CAMTA1: variants seen among roughly 807,000 people sequenced by gnomAD.
CAMTA1 encodes the protein calmodulin binding transcription activator 1.
CAMTA1 carries 27 observed loss-of-function variants against 170.9 expected under a neutral mutation model. The observed-to-expected ratio is 0.16, with a 90% CI of 0.12 to 0.22. The LOEUF (loss-of-function observed/expected upper bound fraction) is 0.22. CAMTA1 is among the 10% of genes least tolerant of loss of function. CAMTA1 has a pLI of 1.00. For missense variants in CAMTA1, 1,619 were observed against 2,217.2 expected, an observed-to-expected ratio of 0.73 and a Z score of 5.42; for synonymous variants, 833 against 891.5, an observed-to-expected ratio of 0.93 and a Z score of 1.17.
intron 4 of CAMTA1, among the ~76,000 whole-genome samples, chr1:7,215,168 A>G (rs74224543): frequency 7.9e-6 from 1 of 125,942 alleles, no homozygotes; most frequent in Non-Finnish European, 1.8e-5. Context: ...CCTATTTTTT[A>G]AAAAAAAGAC....
Position 7,732,044 on chromosome 1 carries a change from C to A in CAMTA1, c.2915-404C>A, listed in dbSNP as rs2096737795. On this transcript the variant is annotated intron_variant, in intron 11 of 22. Transcript: ENST00000303635. This position sits in a 1 kb window ranked among gnomAD's most constrained non-coding sequence, Gnocchi z 4.1. ...TTTTTTTTTTTGTCTAACATACCTT[C>A]CTTTCTTGCTGTGATTGCTTTCTTC... Among the ~76,000 whole-genome samples, 1 of 143,936 alleles carries A rather than the reference C, an allele frequency of 6.9e-6. No individual in the cohort carries two copies. The highest frequency in any genetic ancestry group is 6.9e-5 in the Admixed American group (1 of 14,396). The allele number at this position is 143,936 out of a possible 152,430, so 94.4% of individuals were successfully genotyped here. A position where few individuals can be genotyped will look rare whatever the true frequency, so the allele number is the denominator to read the frequency against.
At chr1:7,476,241 G>A (rs2093418516) in intron 6 of CAMTA1, among the ~76,000 whole-genome samples, 1 of 152,186 alleles carries the variant, frequency 6.6e-6, no homozygotes, top group Admixed American at 6.5e-5. Flanking sequence ...GACAGGAGTG[G>A]CCAGGCCCTG....
At chr1:6,889,762 C>A (rs748068344) in intron 3 of CAMTA1, among the ~76,000 whole-genome samples, 3 of 152,108 alleles carry the variant, frequency 2.0e-5, no homozygotes, top group Non-Finnish European at 2.9e-5. Flanking sequence ...ATCCATACGA[C>A]AACCCCTGTG....
intron 6 of CAMTA1, among the ~76,000 whole-genome samples, chr1:7,572,135 T>C (rs984625660): frequency 6.6e-6 from 1 of 152,280 alleles, no homozygotes; most frequent in Non-Finnish European, 1.5e-5. Flanking sequence ...ATGTATGTCT[T>C]CTTTTGAAAA....
At chr1:6,840,890 A>G (rs898313026) in intron 3 of CAMTA1, among the ~76,000 whole-genome samples, 11 of 152,168 alleles carry the variant, frequency 7.2e-5, no homozygotes, top group African/African-American at 2.7e-4. Flanking sequence ...TATGTTTGCT[A>G]CTGTAACCAG....
rs1230055485 is a variant in CAMTA1, at chr1:6,934,197, ACT to A, written c.234+108990_234+108991del. Among the ~76,000 whole-genome samples, 1 of 152,036 alleles carries A rather than the reference ACT, an allele frequency of 6.6e-6. No homozygotes were observed. The highest frequency in any genetic ancestry group is 1.5e-5 in the Non-Finnish European group (1 of 68,006). The stretch of plus-strand genomic sequence containing the variant: ...TATTTAATAAGGCATTTTCAGAGAC[ACT>A]CTGCATTGACCTTAGGGTTTCAGGA... On this transcript the variant is annotated intron_variant, in intron 3 of 22. Transcript: ENST00000303635. This position sits in a 1 kb window ranked among gnomAD's most constrained non-coding sequence, Gnocchi z 4.5.
At chr1:7,203,458 C>T (rs369790685) in intron 4 of CAMTA1, among the ~76,000 whole-genome samples, 25 of 148,392 alleles carry the variant, frequency 1.7e-4, no homozygotes, top group African/African-American at 5.7e-4. Context: ...AGTGGTAAAG[C>T]GACCTGGGCA....
chr1:7,046,478 A>G (rs1206917791), intron 3 of CAMTA1, among the ~76,000 whole-genome samples: 1 of 152,216 alleles, frequency 6.6e-6, no homozygotes, highest in Non-Finnish European at 1.5e-5. Context: ...GCAGGGCTCC[A>G]TGGTGCTCAC....
intron 4 of CAMTA1, among the ~76,000 whole-genome samples, chr1:7,229,393 G>T (rs1662274715): frequency 7.0e-6 from 1 of 142,976 alleles, no homozygotes; most frequent in Non-Finnish European, 1.5e-5. Context: ...AGGGTTGCAG[G>T]GCCAAGTGCA....
intron 6 of CAMTA1, among the ~76,000 whole-genome samples, chr1:7,611,682 C>A (rs185094447): frequency 6.6e-6 from 1 of 152,320 alleles, no homozygotes; most frequent in East Asian, 1.9e-4. Context: ...ACTATCAGAC[C>A]CTTACTGTAC....
intron 4 of CAMTA1, among the ~76,000 whole-genome samples, chr1:7,198,439 C>T (rs1378466436): frequency 6.6e-6 from 1 of 151,908 alleles, no homozygotes; most frequent in Non-Finnish European, 1.5e-5. Context: ...CTGTGTGTGC[C>T]CCTGATGACT....
chr1:7,395,436 T>A (rs77651852), intron 5 of CAMTA1, among the ~76,000 whole-genome samples: 2,413 of 152,304 alleles, frequency 0.016, 63 homozygotes, highest in African/African-American at 0.055. Flanking sequence ...TATATGTCTG[T>A]GTTTATGGTG....
At chr1:6,897,485 C>G (rs1177064891) in intron 3 of CAMTA1, among the ~76,000 whole-genome samples, 1 of 152,206 alleles carries the variant, frequency 6.6e-6, no homozygotes, top group Non-Finnish European at 1.5e-5. Context: ...ATATACACCC[C>G]CAGATTGTAT....
chr1:7,477,844 C>T (rs539706453), intron 6 of CAMTA1, among the ~76,000 whole-genome samples: 7 of 152,122 alleles, frequency 4.6e-5, no homozygotes, highest in Admixed American at 1.3e-4. Context: ...CCTCTGCTCC[C>T]GCCGTGTGGA....
At chr1:6,941,030 A>T (rs1686512912) in intron 3 of CAMTA1, among the ~76,000 whole-genome samples, 2 of 121,422 alleles carry the variant, frequency 1.6e-5, no homozygotes, top group African/African-American at 6.4e-5. Flanking sequence ...GGTAGGAGGG[A>T]CCCTCACAGG....
chr1:7,073,611 T>G (rs1638925214), intron 3 of CAMTA1, among the ~76,000 whole-genome samples: 1 of 152,174 alleles, frequency 6.6e-6, no homozygotes, highest in African/African-American at 2.4e-5. Context: ...TGTTAGAGGC[T>G]AAGTGAAGAT....
intron 4 of CAMTA1, among the ~76,000 whole-genome samples, chr1:7,119,959 T>C (rs1558128088): frequency 6.6e-6 from 1 of 152,130 alleles, no homozygotes; most frequent in Non-Finnish European, 1.5e-5. Flanking sequence ...CAAGGAACCC[T>C]CATGAGAACC....
chr1:7,529,463 C>A (rs1386874133), intron 6 of CAMTA1, among the ~76,000 whole-genome samples: 1 of 152,198 alleles, frequency 6.6e-6, no homozygotes, highest in Non-Finnish European at 1.5e-5. Flanking sequence ...CCACAGAACC[C>A]TTCGAGGTAG....
intron 4 of CAMTA1, among the ~76,000 whole-genome samples, chr1:7,096,928 C>G (rs1396885552): frequency 6.6e-6 from 1 of 152,204 alleles, no homozygotes; most frequent in Non-Finnish European, 1.5e-5. Context: ...CCACCCTTTT[C>G]CGTTTATTTT....
Sources: gnomAD v4.1 joint callset for allele counts (sites outside exome capture counted in the v4.1 genomes callset) on GRCh38, gnomAD v4.1.1 for gene constraint, Gnocchi (gnomAD v3.1) non-coding constraint, MANE v1.5 for transcripts, NCBI Gene and HGNC (gene_info 2026-07-23, HGNC 2026-07-21) for gene names.